COL22A1: variants seen among roughly 807,000 people sequenced by gnomAD.
The protein encoded by COL22A1 is collagen type XXII alpha 1 chain.
In COL22A1, 221 loss-of-function variants were observed where a neutral mutation model predicts 248.9. The observed-to-expected ratio is 0.89, with a 90% CI of 0.80 to 0.99. The LOEUF (loss-of-function observed/expected upper bound fraction) is 0.99, where lower values mean the gene tolerates loss of function less well. COL22A1 is among the 50% of genes least tolerant of loss of function. COL22A1 has a pLI of 0.00. For synonymous variants in COL22A1, 891 were observed against 793.4 expected (o/e 1.12, Z -2.07); for missense variants, 2,240 against 2,179.0 (o/e 1.03, Z -0.56).
At chr8:138,608,036 CAG>C in intron 56 of COL22A1, 47 bp from the exon 57 acceptor site, 1 of 1,583,678 alleles carries the variant, frequency 6.3e-7, no homozygotes, top group East Asian at 2.2e-5. Context: ...CATCAAAGAG[CAG>C]GACGGTGGAA....
intron 45 of COL22A1, among the ~76,000 whole-genome samples, chr8:138,651,986 G>A (rs1822778732): frequency 6.6e-6 from 1 of 152,198 alleles, no homozygotes; most frequent in African/African-American, 2.4e-5. Flanking sequence ...GACCAGAGCT[G>A]TCGGAGACCC....
At chr8:138,660,409 T>C (rs919494756) in intron 44 of COL22A1, 27 bp downstream of exon 44, 1 of 1,600,822 alleles carries the variant, frequency 6.2e-7, no homozygotes. Flanking sequence ...ATAGTCAATA[T>C]TCATCCAGAA....
chr8:138,760,386 C>CG, intron 17 of COL22A1, 99 bp from the exon 18 acceptor site: 1 of 1,113,762 alleles, frequency 9.0e-7, no homozygotes, highest in South Asian at 1.6e-5. Context: ...CCCACTGTGG[C>CG]TAGACTTTTC....
At position 138,913,724 on chromosome 8, in the gene COL22A1, G is replaced by A. The variant is rs1274883212; in HGVS notation, c.-178C>T. The A allele has an allele frequency of 6.5e-6, 1 of 152,822 alleles. No homozygotes were observed. Among genetic ancestry groups the A allele is most frequent in the Non-Finnish European group, 1.5e-5 (1 of 68,632 alleles). 9.5% of individuals were successfully genotyped at this position (152,822 alleles called of 1,614,324 possible). A position where few individuals can be genotyped will look rare whatever the true frequency, so the allele number is the denominator to read the frequency against. On this transcript the variant is annotated 5_prime_UTR_variant, in exon 1 of 65. Transcript: ENST00000303045. The stretch of plus-strand genomic sequence containing the variant: ...CACCAGCCCCAGGAATCCTCCTCCT[G>A]GGGGTCACCTGTCAGCCACTCGCCC...
At chr8:138,882,634 A>ACACACTCT (rs1824314897) in intron 2 of COL22A1, among the ~76,000 whole-genome samples, 1 of 149,234 alleles carries the variant, frequency 6.7e-6, no homozygotes, top group Non-Finnish European at 1.5e-5. Flanking sequence ...CCTCAAACTC[A>ACACACTCT]CACACTCTCA....
At chr8:138,858,118 G>T (rs1822178444) in intron 3 of COL22A1, among the ~76,000 whole-genome samples, 2 of 152,290 alleles carry the variant, frequency 1.3e-5, no homozygotes, top group South Asian at 4.1e-4. Flanking sequence ...CCTCTGTTCT[G>T]TTTGTTCCTT....
chr8:138,882,566 CCA>C lies in COL22A1; in HGVS notation c.91+514_91+515del, dbSNP rs1184305936. ...CACATGCTCCCTCAAACTCACACTCCCACACACTCCCACACACTGTCAAACTC... is the reference window on the plus strand; with the variant it reads ...CACATGCTCCCTCAAACTCACACTCCCACACTCCCACACACTGTCAAACTC... On this transcript the variant is annotated intron_variant, in intron 2 of 64. Transcript: ENST00000303045. Among the ~76,000 whole-genome samples, 5 of 15,352 alleles carry C rather than the reference CCA, an allele frequency of 3.3e-4. 1 individual carries two copies. The South Asian group carries it at 8.3e-3, about 25-fold the overall frequency. 10.1% of individuals were successfully genotyped at this position (15,352 alleles called of 152,430 possible).
intron 1 of COL22A1, among the ~76,000 whole-genome samples, chr8:138,897,780 C>T (rs1376676260): frequency 6.6e-6 from 1 of 150,946 alleles, no homozygotes; most frequent in Non-Finnish European, 1.5e-5. Context: ...AATTCTCCTT[C>T]ATTCTGAAAA....
Position 138,781,189 on chromosome 8 carries a change from G to A in COL22A1, c.1597-209C>T, listed in dbSNP as rs182832260. On this transcript the variant is annotated intron_variant, in intron 12 of 64. Coordinates refer to ENST00000303045, the MANE Select transcript of COL22A1 (RefSeq NM_152888.3). Reference sequence around the variant, plus strand: ...GGTTTCACATCAGATCTACATCAGGGTCCATGTCATAGCCACATACCCAGA... The same window carrying A: ...GGTTTCACATCAGATCTACATCAGGATCCATGTCATAGCCACATACCCAGA... 1.8e-3 allele frequency among the ~76,000 whole-genome samples: 268 copies of A among 152,274 alleles called. 1 individual carries two copies. Among genetic ancestry groups the A allele is most frequent in the African/African-American group, 6.2e-3 (259 of 41,546 alleles).
At chr8:138,608,134 A>G (rs1818570273) in intron 56 of COL22A1, 145 bp from the exon 57 acceptor site, 1 of 565,076 alleles carries the variant, frequency 1.8e-6, no homozygotes. Flanking sequence ...CCACTTCATT[A>G]CTCAGAGGAT....
chr8:138,782,895 C>T (rs1306878908), intron 12 of COL22A1, among the ~76,000 whole-genome samples: 4 of 152,160 alleles, frequency 2.6e-5, no homozygotes, highest in Admixed American at 2.6e-4. Context: ...CTGCTGTGTG[C>T]ACCATAAGCC....
chr8:138,752,880 G>A (rs977588536), intron 21 of COL22A1, among the ~76,000 whole-genome samples: 11 of 152,332 alleles, frequency 7.2e-5, no homozygotes, highest in Middle Eastern at 3.4e-3. Context: ...CCCGAGCTAG[G>A]TGCTGCTGCG....
chr8:138,848,976 A>G lies in COL22A1; in HGVS notation c.659-4818T>C, dbSNP rs60991024. Among the ~76,000 whole-genome samples the G allele has an allele frequency of 6.1e-3, 929 of 152,206 alleles. 41 individuals are homozygous for G. The highest frequency in any genetic ancestry group is 0.049 in the Admixed American group (756 of 15,294). ...CGGCCGCTGCTGAGTGCAGCTAACC[A>G]CAGACAAGATGTATGACATCCAAGT... is the stretch of plus-strand genomic sequence containing the variant. On this transcript the variant is annotated intron_variant, in intron 3 of 64. Transcript: ENST00000303045.
chr8:138,749,016 T>C (rs1357461422), intron 22 of COL22A1, among the ~76,000 whole-genome samples: 1 of 152,194 alleles, frequency 6.6e-6, no homozygotes, highest in Non-Finnish European at 1.5e-5. Flanking sequence ...CGAGATTTCA[T>C]GGTTTTACAA....
At chr8:138,638,028 C>T (rs1294335632) in intron 47 of COL22A1, among the ~76,000 whole-genome samples, 2 of 151,944 alleles carry the variant, frequency 1.3e-5, no homozygotes, top group Non-Finnish European at 2.9e-5. Flanking sequence ...CTATTGTCAT[C>T]ACCATCATCC....
chr8:138,797,324 C>T (rs553150356), intron 11 of COL22A1, among the ~76,000 whole-genome samples: 1 of 152,274 alleles, frequency 6.6e-6, no homozygotes, highest in African/African-American at 2.4e-5. Flanking sequence ...CTCTTCTGTA[C>T]ATTTTTTATA....
intron 3 of COL22A1, among the ~76,000 whole-genome samples, chr8:138,871,834 GA>G (rs199679602): frequency 0.011 from 1,722 of 152,232 alleles, 20 homozygotes; most frequent in Admixed American, 0.023. Flanking sequence ...ACTACGGAAA[GA>G]AAAAATGTGC....
chr8:138,770,124 C>G (rs964654378), intron 16 of COL22A1, among the ~76,000 whole-genome samples: 17 of 152,158 alleles, frequency 1.1e-4, no homozygotes, highest in Non-Finnish European at 2.5e-4. Context: ...CTAGTTCCTC[C>G]GATTCCAAGG....
chr8:138,617,026 C>A (rs370291730), intron 53 of COL22A1, 68 bp from the exon 54 acceptor site: 1 of 1,554,602 alleles, frequency 6.4e-7, no homozygotes, highest in Non-Finnish European at 8.9e-7. Context: ...GGCAGGCATA[C>A]CTCCCTGCCG....
Sources: gnomAD v4.1 joint callset for allele counts (sites outside exome capture counted in the v4.1 genomes callset) on GRCh38, gnomAD v4.1.1 for gene constraint, MANE v1.5 for transcripts, NCBI Gene and HGNC (gene_info 2026-07-23, HGNC 2026-07-21) for gene names.